Variants in AUTS2 observed in about 807,000 individuals in gnomAD.
AUTS2 encodes autism susceptibility gene 2 protein.
AUTS2 carries 17 observed loss-of-function variants against 112.4 expected under a neutral mutation model. The ratio of observed to expected loss-of-function variants is 0.15; its 90% CI spans 0.10 to 0.23. AUTS2 has a LOEUF of 0.23. Ranked by LOEUF, AUTS2 falls within the 10% of genes least tolerant of loss-of-function variation. The probability of loss-of-function intolerance (pLI) is 1.00; values close to 1 mark genes in which losing one functional copy is unlikely to be tolerated. For missense variants in AUTS2, 1,510 were observed against 1,701.6 expected (o/e 0.89, Z 1.98); for synonymous variants, 751 against 702.7 (o/e 1.07, Z -1.09).
chr7:70,463,299 G>A (rs1447879062), intron 5 of AUTS2, among the ~76,000 whole-genome samples: 1 of 152,176 alleles, frequency 6.6e-6, no homozygotes, highest in African/African-American at 2.4e-5. Flanking sequence ...GAAAACCCTA[G>A]CAGAAAGTAT....
At chr7:70,358,673 G>A (rs1352625699) in intron 4 of AUTS2, among the ~76,000 whole-genome samples, 1 of 152,242 alleles carries the variant, frequency 6.6e-6, no homozygotes, top group Non-Finnish European at 1.5e-5. Context: ...GAATGTGTCA[G>A]CTAGGTGGGC....
At chr7:70,590,120 ATT>A (rs1277014052) in intron 5 of AUTS2, among the ~76,000 whole-genome samples, 7 of 113,578 alleles carry the variant, frequency 6.2e-5, no homozygotes, top group African/African-American at 2.0e-4. Context: ...TTGTTTTTGC[ATT>A]TGTGTGTGTG....
At chr7:70,697,298 G>A (rs925310386) in intron 5 of AUTS2, among the ~76,000 whole-genome samples, 3 of 152,080 alleles carry the variant, frequency 2.0e-5, no homozygotes, top group Admixed American at 2.0e-4. Flanking sequence ...TGTTCGTTTT[G>A]CACATACATT....
chr7:70,536,408 C>T (rs1800318598), intron 5 of AUTS2, among the ~76,000 whole-genome samples: 1 of 151,818 alleles, frequency 6.6e-6, no homozygotes, highest in Non-Finnish European at 1.5e-5. Flanking sequence ...CATATGGGAG[C>T]CCAAGTAGCC....
chr7:70,745,436 C>A (rs1178270926), intron 6 of AUTS2, among the ~76,000 whole-genome samples: 1 of 152,184 alleles, frequency 6.6e-6, no homozygotes, highest in Non-Finnish European at 1.5e-5. Context: ...GATTTAAAGC[C>A]AGTGTTCTGT....
chr7:70,640,940 C>G (rs933871629), intron 5 of AUTS2, among the ~76,000 whole-genome samples: 1 of 152,170 alleles, frequency 6.6e-6, no homozygotes, highest in African/African-American at 2.4e-5. Flanking sequence ...TGATCTCCCC[C>G]GTTCCACATG....
At chr7:69,785,807 C>T (rs764793572) in intron 1 of AUTS2, among the ~76,000 whole-genome samples, 7 of 152,150 alleles carry the variant, frequency 4.6e-5, no homozygotes, top group Middle Eastern at 6.3e-3. Flanking sequence ...CCACAAGACA[C>T]CCTATCACAG....
At chr7:70,581,777 A>G (rs1478233628) in intron 5 of AUTS2, among the ~76,000 whole-genome samples, 2 of 152,266 alleles carry the variant, frequency 1.3e-5, no homozygotes, top group Non-Finnish European at 2.9e-5. Context: ...CTCTGCTATC[A>G]CTTTTATTTC....
At chr7:70,141,072 T>C (rs1449913874) in intron 4 of AUTS2, among the ~76,000 whole-genome samples, 4 of 152,168 alleles carry the variant, frequency 2.6e-5, no homozygotes, top group Admixed American at 6.5e-5. Context: ...CAGGCTTAAA[T>C]TGTGCAGAGC....
At chr7:70,504,337 G>A (rs77039158) in intron 5 of AUTS2, among the ~76,000 whole-genome samples, 13 of 151,648 alleles carry the variant, frequency 8.6e-5, no homozygotes, top group African/African-American at 2.4e-4. Flanking sequence ...TCACACCTTT[G>A]CCACACAATC....
At chr7:70,770,922 A>G (rs1414102690) in intron 10 of AUTS2, among the ~76,000 whole-genome samples, 1 of 152,206 alleles carries the variant, frequency 6.6e-6, no homozygotes, top group Non-Finnish European at 1.5e-5. Context: ...CATTTAAAGT[A>G]TACATCGAGT....
chr7:70,324,940 A>G (rs1348981172), intron 4 of AUTS2, among the ~76,000 whole-genome samples: 1 of 152,214 alleles, frequency 6.6e-6, no homozygotes, highest in African/African-American at 2.4e-5. Context: ...AAAAAGACCC[A>G]AAAGCCCACT....
At chr7:69,831,624 ATT>A (rs397839939) in intron 1 of AUTS2, among the ~76,000 whole-genome samples, 2 of 141,372 alleles carry the variant, frequency 1.4e-5, no homozygotes, top group African/African-American at 2.6e-5. Flanking sequence ...ACCTTTTAAG[ATT>A]TTTTTTTTTT....
chr7:70,101,258 G>T (rs994399861), intron 2 of AUTS2, among the ~76,000 whole-genome samples: 2 of 151,982 alleles, frequency 1.3e-5, no homozygotes, highest in African/African-American at 4.8e-5. Context: ...GTTGTATAAT[G>T]ATTGCTTAAT....
intron 1 of AUTS2, among the ~76,000 whole-genome samples, chr7:69,801,045 C>T (rs1309762207): frequency 1.3e-5 from 2 of 151,990 alleles, no homozygotes; most frequent in Non-Finnish European, 2.9e-5. Flanking sequence ...TACAGTTTTT[C>T]GTTCATACTT....
At chr7:70,472,117 C>A (rs569793044) in intron 5 of AUTS2, among the ~76,000 whole-genome samples, 2 of 152,238 alleles carry the variant, frequency 1.3e-5, no homozygotes, top group East Asian at 3.9e-4. Flanking sequence ...CACTTAAAAC[C>A]GTAGAGAATA....
intron 4 of AUTS2, among the ~76,000 whole-genome samples, chr7:70,173,642 T>C (rs374758920): frequency 1.4e-3 from 210 of 152,346 alleles, no homozygotes; most frequent in South Asian, 6.6e-3. Flanking sequence ...AAACCTTACA[T>C]CAAGCAAGTC....
At chr7:70,107,335 C>CTTTTTTTTTT (rs35066322) in intron 2 of AUTS2, among the ~76,000 whole-genome samples, 11 of 96,936 alleles carry the variant, frequency 1.1e-4, no homozygotes, top group Non-Finnish European at 1.4e-4. Flanking sequence ...AGATGAGAAG[C>CTTTTTTTTTT]TTTTTTTTTT....
intron 4 of AUTS2, among the ~76,000 whole-genome samples, chr7:70,320,012 C>A (rs1330584943): frequency 6.6e-6 from 1 of 152,168 alleles, no homozygotes; most frequent in African/African-American, 2.4e-5. Context: ...ATACCACTGT[C>A]CCTGAGCACT....
Sources: allele counts gnomAD v4.1 joint callset (sites outside exome capture counted in the v4.1 genomes callset), GRCh38; gene constraint gnomAD v4.1.1; transcripts MANE v1.5; gene names NCBI Gene and HGNC (gene_info 2026-07-23, HGNC 2026-07-21).